The following C17orf67 variants were observed in gnomAD, a reference collection of about 807,000 sequenced individuals.
C17orf67 encodes chromosome 17 open reading frame 67, also known as uncharacterized protein C17orf67.
C17orf67 carries 12 observed loss-of-function variants against 11.2 expected under a neutral mutation model. That is an observed-to-expected ratio of 1.07 (90% CI 0.68 to 1.73). The LOEUF is 1.73. Ranked by LOEUF, C17orf67 falls within the 40% of genes most tolerant of loss-of-function variation. C17orf67 has a pLI of 0.00. For synonymous variants in C17orf67, 59 were observed against 46.9 expected (o/e 1.26, Z -1.05); for missense variants, 115 against 113.5 (o/e 1.01, Z -0.06).
chr17:56,815,949 C>A lies in C17orf67; in HGVS notation c.-139G>T. The stretch of plus-strand genomic sequence containing the variant: ...ACGGTATGATGCTGAATGTATCTGA[C>A]TCTGAGCGTTTTAGTAATGACCACT... On this transcript the variant is annotated 5_prime_UTR_variant, in exon 5 of 8. Transcript: ENST00000397861. 1 of 1,479,872 alleles carries A rather than the reference C, an allele frequency of 6.8e-7. No homozygotes were observed. Among genetic ancestry groups the A allele is most frequent in the Non-Finnish European group, 9.1e-7 (1 of 1,098,216 alleles). The allele number at this position is 1,479,872 out of a possible 1,614,324, so 91.7% of individuals were successfully genotyped here. A position where few individuals can be genotyped will look rare whatever the true frequency, so the allele number is the denominator to read the frequency against.
At chr17:56,828,280 G>A (rs144670112) in intron 2 of C17orf67, among the ~76,000 whole-genome samples, 35 of 151,932 alleles carry the variant, frequency 2.3e-4, no homozygotes, top group Non-Finnish European at 4.0e-4. Context: ...TGGCGCATGC[G>A]TGTAATCCCA....
chr17:56,814,883 CG>C lies in C17orf67; in HGVS notation c.141del (p.Asp48MetfsTer27). 6.2e-7 allele frequency: 1 copy of C among 1,614,024 alleles called. No homozygotes were observed. The highest frequency in any genetic ancestry group is 8.5e-7 in the Non-Finnish European group (1 of 1,179,932). On this transcript the variant is annotated frameshift_variant, in exon 6 of 8. Transcript: ENST00000397861. LOFTEE classifies it high-confidence loss of function. ...RQDRPSKPGF[P>X]DEPMREYMHH... ...AAAGCACTCACCCGCATTGGCTCAT[CG>C]GGGAATCCGGGTTTGCTTGGTCTAT...
intron 7 of C17orf67, 83 bp downstream of exon 7, chr17:56,794,961 G>T: frequency 2.1e-6 from 2 of 963,056 alleles, no homozygotes; most frequent in Non-Finnish European, 3.2e-6. Context: ...CCTGAGGCAT[G>T]GTCTGGAAAG....
chr17:56,827,747 TG>T (rs1906075983), intron 2 of C17orf67, among the ~76,000 whole-genome samples: 1 of 152,198 alleles, frequency 6.6e-6, no homozygotes, highest in East Asian at 1.9e-4. Context: ...ACAGCCTCCA[TG>T]GGAAGACACT....
intron 6 of C17orf67, among the ~76,000 whole-genome samples, chr17:56,814,555 G>A (rs1052184247): frequency 2.0e-5 from 3 of 152,160 alleles, no homozygotes; most frequent in African/African-American, 7.2e-5. Context: ...TGGGGTTAGC[G>A]TTGGCTAAAG....
chr17:56,802,059 T>C (rs1905335181), intron 6 of C17orf67, among the ~76,000 whole-genome samples: 1 of 152,356 alleles, frequency 6.6e-6, no homozygotes, highest in Admixed American at 6.5e-5. Flanking sequence ...TTAGTTAACT[T>C]GCTTCCTTGG....
At chr17:56,792,585 T>C (rs1431448835) in intron 7 of C17orf67, among the ~76,000 whole-genome samples, 1 of 143,998 alleles carries the variant, frequency 6.9e-6, no homozygotes, top group Non-Finnish European at 1.5e-5. Context: ...ATTGTGGTGA[T>C]GGTAATAGTG....
chr17:56,797,410 T>A (rs1905233126), intron 6 of C17orf67, among the ~76,000 whole-genome samples: 1 of 151,858 alleles, frequency 6.6e-6, no homozygotes, highest in Admixed American at 6.6e-5. Flanking sequence ...AAACAGCCCA[T>A]CCTCTCCCTC....
At chr17:56,798,315 T>C (rs1466648808) in intron 6 of C17orf67, among the ~76,000 whole-genome samples, 1 of 152,142 alleles carries the variant, frequency 6.6e-6, no homozygotes, top group African/African-American at 2.4e-5. Flanking sequence ...TATTTTGTTT[T>C]CTTAATAGGC....
chr17:56,831,198 A>C (rs1034624722), intron 2 of C17orf67, among the ~76,000 whole-genome samples: 3 of 151,838 alleles, frequency 2.0e-5, no homozygotes, highest in African/African-American at 7.3e-5. Flanking sequence ...GGACCAGGGG[A>C]GTAGTGGAGG....
intron 6 of C17orf67, chr17:56,795,402 G>A: frequency 3.8e-6 from 2 of 532,150 alleles, no homozygotes; most frequent in South Asian, 2.5e-5. Flanking sequence ...TGCTGAGCGG[G>A]TGGATTTCCA....
intron 6 of C17orf67, among the ~76,000 whole-genome samples, chr17:56,796,845 A>C (rs1597986566): frequency 5.2e-5 from 4 of 77,622 alleles, no homozygotes; most frequent in South Asian, 5.5e-4. Context: ...TCCCTGCTCC[A>C]CTCTGACAGA....
chr17:56,811,425 C>T (rs1319738748), intron 6 of C17orf67, among the ~76,000 whole-genome samples: 1 of 152,146 alleles, frequency 6.6e-6, no homozygotes, highest in Non-Finnish European at 1.5e-5. Flanking sequence ...TGGGTGGGCA[C>T]CTCCTCTGGG....
At chr17:56,817,568 C>T (rs1477431567) in intron 4 of C17orf67, among the ~76,000 whole-genome samples, 1 of 152,078 alleles carries the variant, frequency 6.6e-6, no homozygotes, top group African/African-American at 2.4e-5. Flanking sequence ...GATCTCCCAT[C>T]TCAGCCTCCT....
chr17:56,809,079 A>G (rs1472462057), intron 6 of C17orf67, among the ~76,000 whole-genome samples: 1 of 151,992 alleles, frequency 6.6e-6, no homozygotes, highest in Non-Finnish European at 1.5e-5. Context: ...GCATTCTCCA[A>G]TGATCACTAA....
intron 6 of C17orf67, among the ~76,000 whole-genome samples, chr17:56,811,600 T>G (rs1905628938): frequency 6.6e-6 from 1 of 152,180 alleles, no homozygotes; most frequent in Non-Finnish European, 1.5e-5. Context: ...ATAACCTCGT[T>G]AGTGAGCCCA....
rs1905750583 is a variant in C17orf67 at position 56,815,906 on chromosome 17, CTT to C, written c.-98_-97del. 2 of 1,594,496 alleles carry C rather than the reference CTT, an allele frequency of 1.3e-6. No homozygotes were observed. Among genetic ancestry groups the C allele is most frequent in the Non-Finnish European group, 1.7e-6 (2 of 1,168,748 alleles). ...ATGCCAGGCCCTGCGCTTGTTTATG[CTT>C]TGACTAACGGGACTTACGGTATGAT... is the stretch of plus-strand genomic sequence containing the variant. On this transcript the variant is annotated 5_prime_UTR_variant, in exon 5 of 8. It removes the in-frame stop codon of an upstream open reading frame in the 5' UTR. Coordinates refer to ENST00000397861, the MANE Select transcript of C17orf67 (RefSeq NM_001085430.4).
intron 2 of C17orf67, among the ~76,000 whole-genome samples, chr17:56,828,301 A>C (rs1906096446): frequency 6.6e-6 from 1 of 151,886 alleles, no homozygotes; most frequent in Admixed American, 6.6e-5. Context: ...GCTACTCGGG[A>C]GGCTGAGGTA....
chr17:56,800,425 C>T (rs77956499), intron 6 of C17orf67, among the ~76,000 whole-genome samples: 1,922 of 152,176 alleles, frequency 0.013, 40 homozygotes, highest in African/African-American at 0.044. Flanking sequence ...TGTCTGTATG[C>T]CTCCCACTGG....
Sources: allele counts gnomAD v4.1 joint callset (sites outside exome capture counted in the v4.1 genomes callset), GRCh38; gene constraint gnomAD v4.1.1; transcripts MANE v1.5; gene names NCBI Gene and HGNC (gene_info 2026-07-23, HGNC 2026-07-21).